STAM: variants seen among roughly 807,000 people sequenced by gnomAD.
STAM encodes signal transducing adapter molecule 1.
STAM carries 16 observed loss-of-function variants against 63.4 expected under a neutral mutation model. The observed-to-expected ratio is 0.25, with a 90% CI of 0.17 to 0.38. The LOEUF is 0.38. Among genes scored for constraint, STAM ranks in the 10% least tolerant of loss-of-function variants. STAM has a pLI of 1.00. For synonymous variants in STAM, 238 were observed against 223.9 expected, an observed-to-expected ratio of 1.06 and a Z score of -0.56; for missense variants, 636 against 657.1, an observed-to-expected ratio of 0.97 and a Z score of 0.35.
intron 2 of STAM, among the ~76,000 whole-genome samples, chr10:17,678,759 T>C (rs1834958624): frequency 6.6e-6 from 1 of 152,182 alleles, no homozygotes; most frequent in Non-Finnish European, 1.5e-5. Flanking sequence ...ACGTAGAAAC[T>C]CTACACCTTT....
chr10:17,703,779 C>T (rs1836127952), intron 9 of STAM, among the ~76,000 whole-genome samples: 1 of 151,884 alleles, frequency 6.6e-6, no homozygotes, highest in Non-Finnish European at 1.5e-5. Context: ...CCAACTGAAA[C>T]ACTGGTAGAA....
chr10:17,707,077 A>C (rs942268459), intron 12 of STAM, among the ~76,000 whole-genome samples: 4 of 152,234 alleles, frequency 2.6e-5, no homozygotes, highest in African/African-American at 7.2e-5. Flanking sequence ...CCCCCTTTTC[A>C]CAAACTCATC....
At chr10:17,684,041 T>C (rs1174212774) in intron 2 of STAM, among the ~76,000 whole-genome samples, 3 of 152,234 alleles carry the variant, frequency 2.0e-5, no homozygotes, top group Non-Finnish European at 4.4e-5. Flanking sequence ...GGATTTTCAA[T>C]AGATGCTTCA....
chr10:17,710,114 A>G (rs1450983140), intron 13 of STAM, among the ~76,000 whole-genome samples: 1 of 151,864 alleles, frequency 6.6e-6, no homozygotes, highest in African/African-American at 2.4e-5. Context: ...TCCTGACTTA[A>G]TAGGACCCTG....
Position 17,644,257 on chromosome 10 carries a change from GA to G in STAM, c.-82del. The G allele has an allele frequency of 6.7e-7, 1 of 1,482,782 alleles. No individual in the cohort carries two copies. Among genetic ancestry groups the G allele is most frequent in the Admixed American group, 1.7e-5 (1 of 58,992 alleles). 91.9% of individuals were successfully genotyped at this position (1,482,782 alleles called of 1,614,324 possible). ...TCGGTCTCTGTTGCTCTTTTTGCCT[GA>G]GGAGTCTTCCATCCTACGTCGAGCT... On this transcript the variant is annotated 5_prime_UTR_variant, in exon 1 of 14. Transcript: ENST00000377524.
chr10:17,713,833 A>G (rs1215515007), intron 13 of STAM, among the ~76,000 whole-genome samples: 1 of 151,970 alleles, frequency 6.6e-6, no homozygotes, highest in African/African-American at 2.4e-5. Context: ...AGAACGAGCC[A>G]GTGTCTTTCT....
At chr10:17,676,278 G>T (rs1834851903) in intron 2 of STAM, among the ~76,000 whole-genome samples, 1 of 152,158 alleles carries the variant, frequency 6.6e-6, no homozygotes, top group South Asian at 2.1e-4. Flanking sequence ...GGTTGAGAGT[G>T]GTATAATGGG....
chr10:17,702,193 TTAATAA>T (rs1303373171), intron 9 of STAM, among the ~76,000 whole-genome samples: 4 of 152,136 alleles, frequency 2.6e-5, no homozygotes, highest in Non-Finnish European at 4.4e-5. Flanking sequence ...CCTTTGCATA[TTAATAA>T]TAATAATCAT....
intron 1 of STAM, among the ~76,000 whole-genome samples, chr10:17,658,926 T>A (rs116033307): frequency 6.8e-4 from 103 of 152,336 alleles, no homozygotes; most frequent in African/African-American, 2.4e-3. Flanking sequence ...ACCATTGACA[T>A]GTAAAGTGAC....
chr10:17,686,136 TCTA>T (rs1835283643), intron 4 of STAM, among the ~76,000 whole-genome samples: 2 of 152,204 alleles, frequency 1.3e-5, no homozygotes, highest in African/African-American at 4.8e-5. Context: ...ATATTTATTT[TCTA>T]CTAATTAATA....
chr10:17,695,040 G>C lies in STAM; in HGVS notation c.536-9G>C, dbSNP rs1554827278. On this transcript the variant is annotated splice_polypyrimidine_tract_variant and intron_variant, in intron 6 of 13. Coordinates refer to ENST00000377524, the MANE Select transcript of STAM (RefSeq NM_003473.4). ...CATTTTGGGTCTTTAAAAACTCATT[G>C]TTTTCTAGCCATTGAGTTGTCTCTC... 1.2e-6 allele frequency: 2 copies of C among 1,610,786 alleles called. No homozygotes were observed.
chr10:17,690,132 A>G (rs1243151656), intron 5 of STAM, among the ~76,000 whole-genome samples: 1 of 152,242 alleles, frequency 6.6e-6, no homozygotes, highest in Non-Finnish European at 1.5e-5. Flanking sequence ...TGACTTGCCC[A>G]GGGACACAGC....
intron 2 of STAM, among the ~76,000 whole-genome samples, chr10:17,661,794 G>A (rs1439451320): frequency 6.6e-6 from 1 of 152,104 alleles, no homozygotes; most frequent in East Asian, 1.9e-4. Flanking sequence ...TAGCCAAATG[G>A]TGCAGAGGCA....
intron 8 of STAM, 143 bp downstream of exon 8, chr10:17,697,012 T>G (rs1405857041): frequency 1.6e-6 from 1 of 618,740 alleles, no homozygotes; most frequent in Non-Finnish European, 2.8e-6. Context: ...CTCCGCCTCC[T>G]GGGTTCAGGT....
chr10:17,667,965 TG>T (rs1834464146), intron 2 of STAM, among the ~76,000 whole-genome samples: 1 of 152,112 alleles, frequency 6.6e-6, no homozygotes, highest in Non-Finnish European at 1.5e-5. Flanking sequence ...TAGAAGATGA[TG>T]GTTGGAAGGT....
intron 6 of STAM, 35 bp downstream of exon 6, chr10:17,693,347 T>A: frequency 6.7e-7 from 1 of 1,499,244 alleles, no homozygotes; most frequent in Non-Finnish European, 9.1e-7. Context: ...GGGAATAACA[T>A]AAGCCTTTAT....
intron 1 of STAM, among the ~76,000 whole-genome samples, chr10:17,649,308 A>G (rs1554821285): frequency 6.6e-6 from 1 of 151,810 alleles, no homozygotes; most frequent in Non-Finnish European, 1.5e-5. Context: ...TGCTGAATCC[A>G]GAGGATTGGT....
chr10:17,715,005 T>G lies in STAM; in HGVS notation c.*225T>G. The G allele has an allele frequency of 1.9e-6, 1 of 527,340 alleles. No homozygotes were observed. The allele number at this position is 527,340 out of a possible 1,614,324, so 32.7% of individuals were successfully genotyped here. ...GAATGAAACTACTTACAACATTTAA[T>G]TCCTTTCATAATATGAAAGAATTGA... is the stretch of plus-strand genomic sequence containing the variant. On this transcript the variant is annotated 3_prime_UTR_variant, in exon 14 of 14. Transcript: ENST00000377524.
chr10:17,694,274 A>G (rs371854920), intron 6 of STAM, among the ~76,000 whole-genome samples: 5 of 151,844 alleles, frequency 3.3e-5, no homozygotes, highest in Non-Finnish European at 5.9e-5. Flanking sequence ...TTGCTTTTTT[A>G]TTATGATTTT....
Sources: allele counts gnomAD v4.1 joint callset (sites outside exome capture counted in the v4.1 genomes callset), GRCh38; gene constraint gnomAD v4.1.1; transcripts MANE v1.5; gene names NCBI Gene and HGNC (gene_info 2026-07-23, HGNC 2026-07-21).